The following PEX3 variants were observed in gnomAD, a reference collection of about 807,000 sequenced individuals.
PEX3 encodes the protein peroxin-3.
Under a neutral mutation model 55.8 loss-of-function variants are expected in PEX3, and 30 were observed. The ratio of observed to expected loss-of-function variants is 0.54; its 90% CI spans 0.40 to 0.73. The LOEUF is 0.73. PEX3 is among the 30% of genes least tolerant of loss of function. The pLI, the probability that PEX3 is intolerant of heterozygous loss-of-function variation, is 0.00. For missense variants in PEX3, 351 were observed against 432.8 expected (o/e 0.81, Z 1.68); for synonymous variants, 135 against 148.4 (o/e 0.91, Z 0.66).
chr6:143,489,478 C>G lies in PEX3; in HGVS notation c.*252C>G, dbSNP rs1033725346. ...TATCAGAATTGTTAATAATTTGTTA[C>G]ACATGGACATTTGTTCCAAACTGAC... On this transcript the variant is annotated 3_prime_UTR_variant, in exon 12 of 12. Coordinates refer to ENST00000367591, the MANE Select transcript of PEX3 (RefSeq NM_003630.3). The surrounding 1 kb of genome is among the most constrained non-coding windows in gnomAD (Gnocchi z 5.5). The G allele has an allele frequency of 7.3e-6, 2 of 275,730 alleles. No homozygotes were observed. Among genetic ancestry groups the G allele is most frequent in the Non-Finnish European group, 1.4e-5 (2 of 144,068 alleles). 17.1% of individuals were successfully genotyped at this position (275,730 alleles called of 1,614,324 possible).
intron 2 of PEX3, among the ~76,000 whole-genome samples, chr6:143,460,318 C>T (rs1027320939): frequency 1.3e-5 from 2 of 151,898 alleles, no homozygotes; most frequent in African/African-American, 2.4e-5. Flanking sequence ...TTCTGCAAAG[C>T]GAATAGTAAT....
At position 143,474,757 on chromosome 6, in the gene PEX3, A is replaced by C. The variant is rs1225829328; in HGVS notation, c.748-29A>C. 6 of 1,213,014 alleles carry C rather than the reference A, an allele frequency of 4.9e-6. No homozygotes were observed. The African/African-American group carries it at 7.4e-5, about 15-fold the overall frequency. The allele number at this position is 1,213,014 out of a possible 1,614,324, so 75.1% of individuals were successfully genotyped here. On this transcript the variant is annotated intron_variant, in intron 8 of 11. Coordinates refer to ENST00000367591, the MANE Select transcript of PEX3 (RefSeq NM_003630.3). ...CATAACCCTGTGCTAATGTTTGAAA[A>C]CCTTAAGTGTGACATTTTAATTCTA...
At position 143,489,535 on chromosome 6, in the gene PEX3, T is replaced by C; in HGVS notation, c.*309T>C. ...TCAATATAGATATTTTATATACATA[T>C]ATATATATAAAAATACAAAATTCAG... is the stretch of plus-strand genomic sequence containing the variant. On this transcript the variant is annotated 3_prime_UTR_variant, in exon 12 of 12. Transcript: ENST00000367591. This position sits in a 1 kb window ranked among gnomAD's most constrained non-coding sequence, Gnocchi z 5.5. 3 of 157,990 alleles carry C rather than the reference T, an allele frequency of 1.9e-5. 1 individual carries two copies. Among genetic ancestry groups the C allele is most frequent in the East Asian group, 3.6e-4 (2 of 5,502 alleles). The allele number at this position is 157,990 out of a possible 1,614,324, so 9.8% of individuals were successfully genotyped here. A position where few individuals can be genotyped will look rare whatever the true frequency, so the allele number is the denominator to read the frequency against.
rs1011850431 is a variant in PEX3, at chr6:143,475,231, C to T, written c.818+375C>T. 6.6e-6 allele frequency among the ~76,000 whole-genome samples: 1 copy of T among 152,182 alleles called. No individual in the cohort carries two copies. Among genetic ancestry groups the T allele is most frequent in the African/African-American group, 2.4e-5 (1 of 41,444 alleles). Reference sequence around the variant, plus strand: ...AATGTTCATCTTACTTGACCTTTCTCTGATATTTGACACTGCCTTTCTTGA... The same window carrying T: ...AATGTTCATCTTACTTGACCTTTCTTTGATATTTGACACTGCCTTTCTTGA... On this transcript the variant is annotated intron_variant, in intron 9 of 11. Transcript: ENST00000367591. This position sits in a 1 kb window ranked among gnomAD's most constrained non-coding sequence, Gnocchi z 4.4.
rs1780277160 is a variant in PEX3, at chr6:143,483,846, A to C, written c.942-1306A>C. On this transcript the variant is annotated intron_variant, in intron 10 of 11. Coordinates refer to ENST00000367591, the MANE Select transcript of PEX3 (RefSeq NM_003630.3). The surrounding 1 kb of genome is among the most constrained non-coding windows in gnomAD (Gnocchi z 4.3). Reference sequence around the variant, plus strand: ...GGACAATACAGTGCATAAGATAGACATGGTGTGTAACCTCATGGAGCTTGC... The same window carrying C: ...GGACAATACAGTGCATAAGATAGACCTGGTGTGTAACCTCATGGAGCTTGC... 6.6e-6 allele frequency among the ~76,000 whole-genome samples: 1 copy of C among 152,084 alleles called. No homozygotes were observed. Among genetic ancestry groups the C allele is most frequent in the Non-Finnish European group, 1.5e-5 (1 of 67,994 alleles).
chr6:143,478,961 A>G, intron 9 of PEX3, 115 bp from the exon 10 acceptor site: 1 of 654,834 alleles, frequency 1.5e-6, no homozygotes, highest in Non-Finnish European at 2.8e-6. Flanking sequence ...ATTTTACAGT[A>G]TTAGATTATG....
intron 2 of PEX3, among the ~76,000 whole-genome samples, chr6:143,461,788 A>C (rs761894208): frequency 8.8e-4 from 134 of 152,106 alleles, no homozygotes; most frequent in Non-Finnish European, 1.6e-3. Context: ...CTGTACAAAA[A>C]ATTTAAAACA....
chr6:143,479,309 AT>A lies in PEX3; in HGVS notation c.941+117del. On this transcript the variant is annotated intron_variant, in intron 10 of 11. Coordinates refer to ENST00000367591, the MANE Select transcript of PEX3 (RefSeq NM_003630.3). This position sits in a 1 kb window ranked among gnomAD's most constrained non-coding sequence, Gnocchi z 4.6. ...CAAACCTATTAAATTTGAGTGCCTC[AT>A]TTTTTAACAAATTAAACTCTGTTAA... 1 of 799,812 alleles carries A rather than the reference AT, an allele frequency of 1.3e-6. No individual in the cohort carries two copies. Among genetic ancestry groups the A allele is most frequent in the Non-Finnish European group, 2.1e-6 (1 of 466,356 alleles). 49.5% of individuals were successfully genotyped at this position (799,812 alleles called of 1,614,324 possible).
Position 143,462,839 on chromosome 6 carries a change from C to A in PEX3, c.206-77C>A. On this transcript the variant is annotated intron_variant, in intron 2 of 11. Coordinates refer to ENST00000367591, the MANE Select transcript of PEX3 (RefSeq NM_003630.3). This position sits in a 1 kb window ranked among gnomAD's most constrained non-coding sequence, Gnocchi z 4.1. ...CTAGTTGCTAGCCCTATCATATAGC[C>A]TAAAACAATGCGCATTTCTTAGTGA... The A allele has an allele frequency of 1.8e-6, 2 of 1,098,972 alleles. No homozygotes were observed. The highest frequency in any genetic ancestry group is 2.8e-6 in the Non-Finnish European group (2 of 710,604). 68.1% of individuals were successfully genotyped at this position (1,098,972 alleles called of 1,614,324 possible).
At position 143,451,076 on chromosome 6, in the gene PEX3, C is replaced by A; in HGVS notation, c.34C>A (p.His12Asn). 2 of 1,613,792 alleles carry A rather than the reference C, an allele frequency of 1.2e-6. No individual in the cohort carries two copies. ...LRSVWNFLKRHKKKCIFLGTV... is the reference protein window; with the variant it reads ...LRSVWNFLKRNKKKCIFLGTV... ...GTCTGTATGGAATTTTCTGAAACGC[C>A]ACAAAAAGAAATGCATCTTCCTGGG... The change falls in exon 1 of 12, where the codon CAC (histidine) becomes AAC (asparagine). Residue 12 changes from histidine (H) to asparagine (N), a missense_variant. Transcript: ENST00000367591. This position sits in a 1 kb window ranked among gnomAD's most constrained non-coding sequence, Gnocchi z 4.1.
Position 143,471,525 on chromosome 6 carries a change from C to A in PEX3, c.524-32C>A. On this transcript the variant is annotated intron_variant, in intron 6 of 11. Transcript: ENST00000367591. The surrounding 1 kb of genome is among the most constrained non-coding windows in gnomAD (Gnocchi z 5.4). The stretch of plus-strand genomic sequence containing the variant: ...ATTATTGAGGAATTTTTAAACTAAG[C>A]AAGGCTTTTAGGTTTGTTTTTTCTT... 1 of 1,587,120 alleles carries A rather than the reference C, an allele frequency of 6.3e-7. No individual in the cohort carries two copies. Among genetic ancestry groups the A allele is most frequent in the Non-Finnish European group, 8.6e-7 (1 of 1,156,206 alleles).
At chr6:143,467,588 T>C (rs901937465) in intron 3 of PEX3, among the ~76,000 whole-genome samples, 8 of 152,054 alleles carry the variant, frequency 5.3e-5, no homozygotes, top group African/African-American at 1.9e-4. Context: ...TCAGAAACTG[T>C]AGATACTATA....
At chr6:143,470,597 T>C (rs1428770268) in intron 4 of PEX3, among the ~76,000 whole-genome samples, 1 of 152,140 alleles carries the variant, frequency 6.6e-6, no homozygotes, top group East Asian at 1.9e-4. Context: ...AAGGCTAGAG[T>C]TCTTCCACAC....
At position 143,487,304 on chromosome 6, in the gene PEX3, A is replaced by G. The variant is rs1011166315; in HGVS notation, c.1039-1839A>G. The stretch of plus-strand genomic sequence containing the variant: ...ATTATAAAGCTGATATAAGTTAGCT[A>G]TGACCTATGAGCCAAATCCAGCCAA... On this transcript the variant is annotated intron_variant, in intron 11 of 11. Transcript: ENST00000367591. The surrounding 1 kb of genome is among the most constrained non-coding windows in gnomAD (Gnocchi z 5.3). 3.3e-5 allele frequency among the ~76,000 whole-genome samples: 5 copies of G among 152,176 alleles called. No homozygotes were observed. Among genetic ancestry groups the G allele is most frequent in the Admixed American group, 6.5e-5 (1 of 15,268 alleles).
Position 143,475,779 on chromosome 6 carries a change from C to T in PEX3, c.818+923C>T, listed in dbSNP as rs150186728. Among the ~76,000 whole-genome samples, 1 of 152,220 alleles carries T rather than the reference C, an allele frequency of 6.6e-6. No individual in the cohort carries two copies. The highest frequency in any genetic ancestry group is 1.5e-5 in the Non-Finnish European group (1 of 68,042). Reference sequence around the variant, plus strand: ...ACTTTACTATGCTAGTAGTTAAAGCCAAATGTATAGCCCTAGTCCTCCACC... The same window carrying T: ...ACTTTACTATGCTAGTAGTTAAAGCTAAATGTATAGCCCTAGTCCTCCACC... On this transcript the variant is annotated intron_variant, in intron 9 of 11. Coordinates refer to ENST00000367591, the MANE Select transcript of PEX3 (RefSeq NM_003630.3). This position sits in a 1 kb window ranked among gnomAD's most constrained non-coding sequence, Gnocchi z 4.4.
chr6:143,478,653 T>C (rs1243929190), intron 9 of PEX3, among the ~76,000 whole-genome samples: 12 of 152,074 alleles, frequency 7.9e-5, no homozygotes, highest in African/African-American at 2.2e-4. Flanking sequence ...AATTTACTAA[T>C]CACAGGCCTT....
rs1007601452 is a variant in PEX3, at chr6:143,450,838, A to G, written c.-205A>G. The G allele has an allele frequency of 4.6e-5, 35 of 755,346 alleles. No individual in the cohort carries two copies. The highest frequency in any genetic ancestry group is 7.6e-5 in the Non-Finnish European group (34 of 446,278). 46.8% of individuals were successfully genotyped at this position (755,346 alleles called of 1,614,324 possible). ...GCGGCGGCTGCGCGGCGGCAGCGGC[A>G]GAAAGCGTAGCTGCTTTGCTGTAGT... On this transcript the variant is annotated 5_prime_UTR_variant, in exon 1 of 12. Transcript: ENST00000367591.
Position 143,489,978 on chromosome 6 carries a change from A to C in PEX3, c.*752A>C, listed in dbSNP as rs1452421311. 6.6e-6 allele frequency: 1 copy of C among 152,158 alleles called. No individual in the cohort carries two copies. The highest frequency in any genetic ancestry group is 1.9e-4 in the East Asian group (1 of 5,206). The allele number at this position is 152,158 out of a possible 1,614,324, so 9.4% of individuals were successfully genotyped here. On this transcript the variant is annotated 3_prime_UTR_variant, in exon 12 of 12. Transcript: ENST00000367591. This position sits in a 1 kb window ranked among gnomAD's most constrained non-coding sequence, Gnocchi z 5.5. ...TTGTATTGATTTTGAATACAGTGAA[A>C]ATCTTATTGCAATAAACTATTTTAG...
chr6:143,483,938 A>C lies in PEX3; in HGVS notation c.942-1214A>C, dbSNP rs1364631658. Among the ~76,000 whole-genome samples the C allele has an allele frequency of 2.8e-5, 4 of 145,426 alleles. No homozygotes were observed. The highest frequency in any genetic ancestry group is 9.7e-5 in the African/African-American group (4 of 41,126). ...ATGATAGATTTTGAAAAATGCCACAAAGGTACCATGAAAAAAAAAATGCCT... is the reference window on the plus strand; with the variant it reads ...ATGATAGATTTTGAAAAATGCCACACAGGTACCATGAAAAAAAAAATGCCT... On this transcript the variant is annotated intron_variant, in intron 10 of 11. Transcript: ENST00000367591. This position sits in a 1 kb window ranked among gnomAD's most constrained non-coding sequence, Gnocchi z 4.3.
Sources: allele counts gnomAD v4.1 joint callset (sites outside exome capture counted in the v4.1 genomes callset), GRCh38; gene constraint gnomAD v4.1.1; non-coding constraint Gnocchi (gnomAD v3.1); transcripts MANE v1.5; gene names NCBI Gene and HGNC (gene_info 2026-07-23, HGNC 2026-07-21).